The following GTPBP4 variants were observed in gnomAD, a reference collection of about 807,000 sequenced individuals.
GTPBP4 encodes the protein GTP binding protein 4.
Under a neutral mutation model 81.7 loss-of-function variants are expected in GTPBP4, and 15 were observed. The observed-to-expected ratio is 0.18, with a 90% CI of 0.12 to 0.28. The LOEUF (loss-of-function observed/expected upper bound fraction) is 0.28. Ranked by LOEUF, GTPBP4 falls within the 10% of genes least tolerant of loss-of-function variation. The probability of loss-of-function intolerance (pLI) is 1.00; values close to 1 mark genes in which losing one functional copy is unlikely to be tolerated. For synonymous variants in GTPBP4, 272 were observed against 274.6 expected, an observed-to-expected ratio of 0.99 and a Z score of 0.09; for missense variants, 847 against 793.8, an observed-to-expected ratio of 1.07 and a Z score of -0.81.
intron 5 of GTPBP4, among the ~76,000 whole-genome samples, chr10:997,797 G>A (rs1228831108): frequency 6.6e-6 from 1 of 152,170 alleles, no homozygotes; most frequent in Non-Finnish European, 1.5e-5. Flanking sequence ...CTGTTACCTT[G>A]GTTGCTGTGT....
chr10:1,015,994 T>G (rs1371790991), intron 16 of GTPBP4, 98 bp downstream of exon 16: 5 of 1,095,104 alleles, frequency 4.6e-6, no homozygotes, highest in Non-Finnish European at 5.4e-6. Context: ...TTGCAGGAAC[T>G]ATGGCAGGGG....
rs1564469923 is a variant in GTPBP4 at position 1,009,010 on chromosome 10, A to C, written c.1166A>C (p.Glu389Ala). 3.7e-6 allele frequency: 6 copies of C among 1,612,590 alleles called. No individual in the cohort carries two copies. The highest frequency in any genetic ancestry group is 4.2e-6 in the Non-Finnish European group (5 of 1,178,606). The change falls in exon 11 of 17, where the codon GAA becomes GCA. Residue 389 changes from glutamate to alanine, a missense_variant. Coordinates refer to ENST00000360803, the MANE Select transcript of GTPBP4 (RefSeq NM_012341.3). The stretch of plus-strand genomic sequence containing the variant: ...GTGGTGGCTCGCAGGAAGAGGATGG[A>C]AACTGAGGAGTCCAGGAAGAAGAGG... ...EGVVARRKRM[E>A]TEESRKKRER...
intron 5 of GTPBP4, among the ~76,000 whole-genome samples, chr10:998,347 G>C (rs979874255): frequency 6.6e-6 from 1 of 152,182 alleles, no homozygotes; most frequent in Non-Finnish European, 1.5e-5. Flanking sequence ...CCATCCTCCT[G>C]CCTCAGCCTC....
chr10:1,002,138 G>T (rs1048261050), intron 8 of GTPBP4, among the ~76,000 whole-genome samples: 1 of 152,082 alleles, frequency 6.6e-6, no homozygotes, highest in Admixed American at 6.6e-5. Context: ...GGCCAGGCTG[G>T]TCTTGAATTT....
At chr10:997,167 A>G in intron 4 of GTPBP4, 41 bp from the exon 5 acceptor site, 2 of 1,170,364 alleles carry the variant, frequency 1.7e-6, no homozygotes, top group Non-Finnish European at 2.6e-6. Context: ...GCAAATCTTA[A>G]ACTTTGAATT....
At position 997,461 on chromosome 10, in the gene GTPBP4, G is replaced by A. The variant is rs182506485; in HGVS notation, c.561+153G>A. On this transcript the variant is annotated intron_variant, in intron 5 of 16. Transcript: ENST00000360803. ...TCAGGACGGCCTTGGTAATAATTTC[G>A]GCCTCCGAGTTGGTCCTTGAGTAAA... is the stretch of plus-strand genomic sequence containing the variant. Among the ~76,000 whole-genome samples, 128 of 152,310 alleles carry A rather than the reference G, an allele frequency of 8.4e-4. No individual in the cohort carries two copies. The South Asian group carries it at 0.012, about 15-fold the overall frequency.
intron 10 of GTPBP4, 36 bp from the exon 11 acceptor site, chr10:1,008,922 C>T (rs558787287): frequency 6.9e-7 from 1 of 1,443,054 alleles, no homozygotes; most frequent in South Asian, 1.1e-5. Context: ...ATTCAGCAGG[C>T]ATTTCACATA....
chr10:988,562 C>T (rs1302903911), intron 1 of GTPBP4, 35 bp downstream of exon 1: 2 of 1,550,042 alleles, frequency 1.3e-6, no homozygotes, highest in Admixed American at 3.3e-5. Context: ...GCAACTTTCG[C>T]GTTCTCCTCA....
rs140905340 is a variant in GTPBP4, at chr10:1,017,149, G to A, written c.1827G>A (p.Ala609=). 5.5e-4 allele frequency: 883 copies of A among 1,613,650 alleles called. No homozygotes were observed. The highest frequency in any genetic ancestry group is 3.3e-3 in the African/African-American group (244 of 75,032). The stretch of plus-strand genomic sequence containing the variant: ...ATCGGTTGGGGAAGAAAGGGGAGGC[G>A]GATAGACACGTGTTTGATATGAAGC... ...KMNRLGKKGE[A]DRHVFDMKPK... is the part of the protein sequence containing the mutation. Residue 609 remains alanine (A), a synonymous_variant, in exon 17 of 17, where the codon GCG becomes GCA. Transcript: ENST00000360803.
intron 10 of GTPBP4, among the ~76,000 whole-genome samples, chr10:1,007,622 C>T (rs1277823580): frequency 6.6e-6 from 1 of 152,184 alleles, no homozygotes; most frequent in African/African-American, 2.4e-5. Flanking sequence ...TGAATGGGCA[C>T]ACATCGTTAC....
intron 6 of GTPBP4, among the ~76,000 whole-genome samples, chr10:999,963 A>C (rs970339398): frequency 1.3e-5 from 2 of 152,248 alleles, no homozygotes; most frequent in African/African-American, 4.8e-5. Context: ...CTGTCTCAAA[A>C]AAAATAAATA....
At chr10:1,002,396 G>A (rs537067239) in intron 8 of GTPBP4, among the ~76,000 whole-genome samples, 1 of 152,176 alleles carries the variant, frequency 6.6e-6, no homozygotes, top group Non-Finnish European at 1.5e-5. Flanking sequence ...TCTGATAGAA[G>A]TATAGCTATT....
chr10:993,275 C>CT (rs1181699035), intron 2 of GTPBP4, among the ~76,000 whole-genome samples: 13 of 152,070 alleles, frequency 8.5e-5, no homozygotes, highest in Admixed American at 8.5e-4. Flanking sequence ...TTTTTGGAGA[C>CT]TGAGTCTCAC....
chr10:991,858 G>A (rs1459930139), intron 1 of GTPBP4, among the ~76,000 whole-genome samples: 4 of 148,582 alleles, frequency 2.7e-5, no homozygotes, highest in African/African-American at 9.8e-5. Flanking sequence ...ACCACGCCCG[G>A]CTAATTTTTT....
rs941952280 is a variant in GTPBP4, at chr10:1,004,876, G to C, written c.913-942G>C. ...CTTCCCCTGAGCAAGACATACTCCAGCCGCAGTTCCAGTCCCAAGATGATG... is the reference window on the plus strand; with the variant it reads ...CTTCCCCTGAGCAAGACATACTCCACCCGCAGTTCCAGTCCCAAGATGATG... On this transcript the variant is annotated intron_variant, in intron 8 of 16. Coordinates refer to ENST00000360803, the MANE Select transcript of GTPBP4 (RefSeq NM_012341.3). Among the ~76,000 whole-genome samples, 15 of 152,278 alleles carry C rather than the reference G, an allele frequency of 9.9e-5. No homozygotes were observed. In the East Asian group the frequency reaches 1.4e-3, roughly 14 times the overall value.
intron 2 of GTPBP4, among the ~76,000 whole-genome samples, chr10:994,629 A>G (rs760843814): frequency 1.3e-5 from 2 of 152,194 alleles, no homozygotes; most frequent in Non-Finnish European, 2.9e-5. Context: ...TTAGCCAACA[A>G]CATACTTTGA....
rs1214764312 is a variant in GTPBP4 at position 1,014,310 on chromosome 10, G to A, written c.1606G>A (p.Asp536Asn). ...TGGTGTTGACATGGACGATAAAGAC[G>A]ATGTGAGTGTGGGGGCGGTTCATGT... is the stretch of plus-strand genomic sequence containing the variant. ...SLGVDMDDKDDAHYAVQARRS... is the reference protein window; with the variant it reads ...SLGVDMDDKDNAHYAVQARRS... Residue 536 changes from aspartate to asparagine, a missense_variant and splice_region_variant, in exon 15 of 17, where the codon GAT (aspartate) becomes AAT (asparagine). Physicochemically the swap from Asp to Asn is conservative, Grantham distance 23 (BLOSUM62 1). This residue lies in a region of GTPBP4 where 600 missense variants were observed against 557.1 expected (regional missense o/e 1.08). Transcript: ENST00000360803. The A allele has an allele frequency of 3.1e-6, 5 of 1,603,354 alleles. No individual in the cohort carries two copies. Among genetic ancestry groups the A allele is most frequent in the African/African-American group, 1.3e-5 (1 of 74,656 alleles).
intron 13 of GTPBP4, among the ~76,000 whole-genome samples, chr10:1,011,804 G>C (rs990151065): frequency 6.6e-6 from 1 of 152,192 alleles, no homozygotes; most frequent in African/African-American, 2.4e-5. Context: ...TGTCCCCGCG[G>C]TGGCCGCCTG....
intron 8 of GTPBP4, among the ~76,000 whole-genome samples, chr10:1,001,931 GT>G (rs34090663): frequency 2.2e-4 from 32 of 145,700 alleles, no homozygotes; most frequent in African/African-American, 7.4e-4. Context: ...TTTTATTTTT[GT>G]TTTTTTTTTG....
Sources: allele counts gnomAD v4.1 joint callset (sites outside exome capture counted in the v4.1 genomes callset), GRCh38; gene constraint gnomAD v4.1.1; regional missense constraint gnomAD v4.1.1; transcripts MANE v1.5; gene names NCBI Gene and HGNC (gene_info 2026-07-23, HGNC 2026-07-21).